MGAT1: variants seen among roughly 807,000 people sequenced by gnomAD.
The protein encoded by MGAT1 is alpha-1,3-mannosyl-glycoprotein 2-beta-N-acetylglucosaminyltransferase.
In MGAT1, 14 loss-of-function variants were observed where a neutral mutation model predicts 31.7. The observed-to-expected ratio is 0.44, with a 90% CI of 0.29 to 0.69. The LOEUF (loss-of-function observed/expected upper bound fraction) is 0.69. MGAT1 is among the 30% of genes least tolerant of loss of function. The pLI is 0.12. For synonymous variants in MGAT1, 338 were observed against 276.0 expected, an observed-to-expected ratio of 1.22 and a Z score of -2.23; for missense variants, 557 against 626.0, an observed-to-expected ratio of 0.89 and a Z score of 1.18.
At chr5:180,806,115 A>G (rs1207991970), upstream of MGAT1, among the ~76,000 whole-genome samples, 1 of 151,960 alleles carries the variant, frequency 6.6e-6, no homozygotes, top group Non-Finnish European at 1.5e-5. Flanking sequence ...GTGAAACCTC[A>G]TCTCTACTAA....
intron 1 of MGAT1, chr5:180,796,010 A>T: frequency 6.5e-6 from 1 of 152,790 alleles, no homozygotes; most frequent in Non-Finnish European, 1.5e-5. Flanking sequence ...TCCAGACCAT[A>T]ACTCCTTGAC....
intron 1 of MGAT1, chr5:180,795,812 T>C (rs1769234505): frequency 6.6e-6 from 1 of 152,212 alleles, no homozygotes; most frequent in South Asian, 2.1e-4. Flanking sequence ...GATGATCTGT[T>C]TGCCCTGAAT....
chr5:180,804,028 T>C (rs757504323), upstream of MGAT1: 1 of 152,208 alleles, frequency 6.6e-6, no homozygotes, highest in African/African-American at 2.4e-5. Flanking sequence ...CCACGAATCG[T>C]GCAGGGTTCT....
At position 180,801,366 on chromosome 5, in the gene MGAT1, C is replaced by T. The variant is rs73815133; in HGVS notation, c.-127+1314G>A. Among the ~76,000 whole-genome samples, 1,149 of 152,212 alleles carry T rather than the reference C, an allele frequency of 7.5e-3. 16 individuals are homozygous for T. Among genetic ancestry groups the T allele is most frequent in the African/African-American group, 0.026 (1,085 of 41,486 alleles). The stretch of plus-strand genomic sequence containing the variant: ...CTTTGCTTAAAGTTAAAAAGCACTA[C>T]GTAAAAATTCCAGAAAATATAGACA... On this transcript the variant is annotated intron_variant, in intron 1 of 1. Coordinates refer to ENST00000307826, the MANE Select transcript of MGAT1 (RefSeq NM_002406.4).
chr5:180,812,282 T>C (rs1308325610), intron 1 of MGAT1, among the ~76,000 whole-genome samples: 1 of 152,228 alleles, frequency 6.6e-6, no homozygotes, highest in Non-Finnish European at 1.5e-5. Flanking sequence ...CGGGCTTCTC[T>C]CACATGGAAA....
At chr5:180,797,717 C>T (rs923966990) in intron 1 of MGAT1, among the ~76,000 whole-genome samples, 14 of 131,532 alleles carry the variant, frequency 1.1e-4, no homozygotes, top group East Asian at 5.0e-4. Context: ...AAAGCTGCCC[C>T]GGCCAAGCCC....
At chr5:180,811,254 AC>A in intron 1 of MGAT1, 1 of 152,310 alleles carries the variant, frequency 6.6e-6, no homozygotes, top group South Asian at 2.1e-4. Context: ...CAGAGCACGG[AC>A]TGACTTAACA....
At chr5:180,809,033 G>A (rs1290097581) in exon 2 of MGAT1, 1 of 152,218 alleles carries the variant, frequency 6.6e-6, no homozygotes, top group African/African-American at 2.4e-5. Context: ...GAAGAAACAG[G>A]CCTTAGAAGC....
rs1767817230 is a variant in MGAT1, at chr5:180,789,604, T to C, written c.*2030A>G. The C allele has an allele frequency of 6.6e-6, 1 of 150,444 alleles. No homozygotes were observed. Among genetic ancestry groups the C allele is most frequent in the Non-Finnish European group, 1.5e-5 (1 of 67,674 alleles). 9.3% of individuals were successfully genotyped at this position (150,444 alleles called of 1,614,324 possible). A position where few individuals can be genotyped will look rare whatever the true frequency, so the allele number is the denominator to read the frequency against. ...AGCCCAGGGTTTTCAAACCCACTCA[T>C]GAAATCAAGTTCGTGAGTCACAAAA... On this transcript the variant is annotated 3_prime_UTR_variant, in exon 2 of 2. Coordinates refer to ENST00000307826, the MANE Select transcript of MGAT1 (RefSeq NM_002406.4).
At chr5:180,798,203 C>T (rs191228805) in intron 1 of MGAT1, among the ~76,000 whole-genome samples, 5 of 152,274 alleles carry the variant, frequency 3.3e-5, no homozygotes, top group Non-Finnish European at 2.9e-5. Context: ...AGAACAGTGC[C>T]GGCATGACAA....
rs749845763 is a variant in MGAT1, at chr5:180,793,112, GA to G, written c.-126-16del. ...CAGCCATGCACCTAAAGACAGGAGA[GA>G]GAAAGCAAACCGTCACACAAAGGCT... On this transcript the variant is annotated splice_polypyrimidine_tract_variant and intron_variant, in intron 1 of 1. Coordinates refer to ENST00000307826, the MANE Select transcript of MGAT1 (RefSeq NM_002406.4). 1.9e-4 allele frequency: 196 copies of G among 1,046,130 alleles called. No homozygotes were observed. The highest frequency in any genetic ancestry group is 2.6e-4 in the Non-Finnish European group (191 of 738,090). 64.8% of individuals were successfully genotyped at this position (1,046,130 alleles called of 1,614,324 possible). A position where few individuals can be genotyped will look rare whatever the true frequency, so the allele number is the denominator to read the frequency against.
intron 1 of MGAT1, among the ~76,000 whole-genome samples, chr5:180,800,563 C>T (rs901053362): frequency 6.6e-6 from 1 of 152,176 alleles, no homozygotes; most frequent in Non-Finnish European, 1.5e-5. Context: ...CTGGAAATGT[C>T]CTGGAAGTGG....
At chr5:180,807,736 C>A (rs987771541), upstream of MGAT1, among the ~76,000 whole-genome samples, 4 of 152,222 alleles carry the variant, frequency 2.6e-5, no homozygotes, top group African/African-American at 9.6e-5. Flanking sequence ...TGGATCTATT[C>A]ACCTGTTCTA....
At chr5:180,796,628 G>C (rs1407280900) in intron 1 of MGAT1, among the ~76,000 whole-genome samples, 1 of 151,670 alleles carries the variant, frequency 6.6e-6, no homozygotes, top group African/African-American at 2.4e-5. Flanking sequence ...TTTTTTTTGA[G>C]ACAGAGTCTC....
intron 1 of MGAT1, among the ~76,000 whole-genome samples, chr5:180,794,537 A>G (rs1379395263): frequency 6.6e-6 from 1 of 152,144 alleles, no homozygotes; most frequent in Non-Finnish European, 1.5e-5. Context: ...CATTACACAA[A>G]AAAATCTAAT....
intron 1 of MGAT1, among the ~76,000 whole-genome samples, chr5:180,814,227 A>T (rs759399233): frequency 1.3e-5 from 2 of 152,188 alleles, no homozygotes; most frequent in Non-Finnish European, 1.5e-5. Context: ...GTAGGTACAA[A>T]AGTTAGTTTG....
At position 180,789,237 on chromosome 5, in the gene MGAT1, A is replaced by G. The variant is rs1181027615; in HGVS notation, c.*2397T>C. ...ACAACTCTGCCACCATCTGGTGTCG[A>G]GCTCCAAAGTAGTTTCTGCCAAGAA... On this transcript the variant is annotated 3_prime_UTR_variant, in exon 2 of 2. Coordinates refer to ENST00000307826, the MANE Select transcript of MGAT1 (RefSeq NM_002406.4). The G allele has an allele frequency of 1.3e-5, 2 of 152,274 alleles. No individual in the cohort carries two copies. Among genetic ancestry groups the G allele is most frequent in the East Asian group, 1.9e-4 (1 of 5,196 alleles). 9.4% of individuals were successfully genotyped at this position (152,274 alleles called of 1,614,324 possible).
At chr5:180,805,015 AG>A (rs1329413570), upstream of MGAT1, among the ~76,000 whole-genome samples, 3 of 152,188 alleles carry the variant, frequency 2.0e-5, no homozygotes, top group Admixed American at 1.3e-4. Context: ...TGGAGGCAAA[AG>A]CAAGCACTTG....
chr5:180,806,327 T>C (rs1771865071), upstream of MGAT1, among the ~76,000 whole-genome samples: 1 of 152,156 alleles, frequency 6.6e-6, no homozygotes, highest in Admixed American at 6.5e-5. Context: ...CTATCACTGC[T>C]CCTGGCTAAG....
Sources: gnomAD v4.1 joint callset for allele counts (sites outside exome capture counted in the v4.1 genomes callset) on GRCh38, gnomAD v4.1.1 for gene constraint, MANE v1.5 for transcripts, NCBI Gene and HGNC (gene_info 2026-07-23, HGNC 2026-07-21) for gene names.